The following SLC13A1 variants were observed in gnomAD, a reference collection of about 807,000 sequenced individuals.
SLC13A1 encodes the protein Na(+)/sulfate cotransporter.
SLC13A1 carries 65 observed loss-of-function variants against 70.0 expected under a neutral mutation model. The ratio of observed to expected loss-of-function variants is 0.93; its 90% CI spans 0.76 to 1.14. SLC13A1 has a LOEUF of 1.14. Ranked by LOEUF, SLC13A1 falls within the 50% of genes most tolerant of loss-of-function variation. The pLI is 0.00. For missense variants in SLC13A1, 726 were observed against 717.8 expected (o/e 1.01, Z -0.13); for synonymous variants, 275 against 250.5 (o/e 1.10, Z -0.92).
chr7:123,120,482 C>T (rs1339055135), intron 12 of SLC13A1, among the ~76,000 whole-genome samples: 1 of 152,004 alleles, frequency 6.6e-6, no homozygotes, highest in Non-Finnish European at 1.5e-5. Context: ...TGCAGAAAAA[C>T]TGGCTATACT....
chr7:123,183,242 T>G (rs1022547898), intron 1 of SLC13A1, among the ~76,000 whole-genome samples: 1 of 152,164 alleles, frequency 6.6e-6, no homozygotes, highest in Non-Finnish European at 1.5e-5. Flanking sequence ...ATTCACAGTG[T>G]TATAAGTCTA....
chr7:123,168,273 G>A, intron 6 of SLC13A1, 101 bp downstream of exon 6: 1 of 732,828 alleles, frequency 1.4e-6, no homozygotes, highest in Non-Finnish European at 2.3e-6. Context: ...ATAATTTATA[G>A]AAAAGGAAGC....
intron 6 of SLC13A1, among the ~76,000 whole-genome samples, chr7:123,150,759 T>C (rs897459170): frequency 6.6e-6 from 1 of 152,190 alleles, no homozygotes; most frequent in East Asian, 1.9e-4. Context: ...GAAAAAACTC[T>C]GCTTTGGGTT....
Position 123,115,527 on chromosome 7 carries a change from G to A in SLC13A1, c.1779C>T (p.Thr593=), listed in dbSNP as rs775237180. 1.2e-6 allele frequency: 2 copies of A among 1,610,484 alleles called. No homozygotes were observed. Among genetic ancestry groups the A allele is most frequent in the African/African-American group, 2.7e-5 (2 of 74,818 alleles). Residue 593 remains threonine, a synonymous_variant, in exon 15 of 15, where the codon ACC becomes ACT. Coordinates refer to ENST00000194130, the MANE Select transcript of SLC13A1 (RefSeq NM_022444.4). The part of the protein sequence containing the change: ...PSWAPAMSNE[T]MP ...AGAAATTTTGTGCTTATTATGGCAT[G>A]GTCTCATTACTCATAGCAGGAGCCC...
At chr7:123,125,892 A>G (rs1168810023) in intron 10 of SLC13A1, among the ~76,000 whole-genome samples, 1 of 152,192 alleles carries the variant, frequency 6.6e-6, no homozygotes, top group Non-Finnish European at 1.5e-5. Flanking sequence ...TATTGTTCCC[A>G]TATATCTCTT....
chr7:123,166,204 A>G (rs1166762845), intron 6 of SLC13A1, among the ~76,000 whole-genome samples: 4 of 152,032 alleles, frequency 2.6e-5, no homozygotes, highest in Non-Finnish European at 5.9e-5. Flanking sequence ...TCTTTTCATC[A>G]AAAGACCTGC....
chr7:123,140,998 G>T (rs191097632), intron 7 of SLC13A1, among the ~76,000 whole-genome samples: 1 of 151,634 alleles, frequency 6.6e-6, no homozygotes, highest in Non-Finnish European at 1.5e-5. Flanking sequence ...AAGATGCATC[G>T]TTAGGTTATT....
At chr7:123,180,621 TG>T (rs1373406975) in intron 2 of SLC13A1, among the ~76,000 whole-genome samples, 2 of 152,096 alleles carry the variant, frequency 1.3e-5, no homozygotes, top group Non-Finnish European at 2.9e-5. Flanking sequence ...AAAACAAAAT[TG>T]TTTTTCCAAC....
rs372715725 is a variant in SLC13A1, at chr7:123,128,801, G to A, written c.1133+44C>T. ...AGGAACCACACAGGAGAGAAGCAGA[G>A]TATAAAACAGGAAGGGCTGACAAAC... On this transcript the variant is annotated intron_variant, in intron 10 of 14. Coordinates refer to ENST00000194130, the MANE Select transcript of SLC13A1 (RefSeq NM_022444.4). 2.9e-5 allele frequency: 36 copies of A among 1,246,116 alleles called. No homozygotes were observed. In the African/African-American group the frequency reaches 4.6e-4, roughly 16 times the overall value. 77.2% of individuals were successfully genotyped at this position (1,246,116 alleles called of 1,614,324 possible). A position where few individuals can be genotyped will look rare whatever the true frequency, so the allele number is the denominator to read the frequency against.
intron 6 of SLC13A1, among the ~76,000 whole-genome samples, chr7:123,164,472 G>C (rs949820530): frequency 2.0e-5 from 3 of 151,360 alleles, no homozygotes; most frequent in Admixed American, 6.6e-5. Flanking sequence ...CTAAATAAAT[G>C]GTGCTTCAAA....
intron 1 of SLC13A1, among the ~76,000 whole-genome samples, chr7:123,182,666 T>C (rs1355753904): frequency 6.6e-6 from 1 of 152,110 alleles, no homozygotes; most frequent in African/African-American, 2.4e-5. Flanking sequence ...GCTGGTTCTG[T>C]TCACCATATA....
chr7:123,154,281 A>G, intron 6 of SLC13A1, among the ~76,000 whole-genome samples: 1 of 152,124 alleles, frequency 6.6e-6, no homozygotes, highest in East Asian at 1.9e-4. Context: ...GTTTTTATTC[A>G]ATCCCTTCTG....
chr7:123,168,689 AAC>A (rs1013942752), intron 4 of SLC13A1, 128 bp from the exon 5 acceptor site: 2 of 646,128 alleles, frequency 3.1e-6, no homozygotes, highest in Non-Finnish European at 5.3e-6. Flanking sequence ...GTACTAACAT[AAC>A]AGTCATCTTA....
chr7:123,118,991 G>A (rs914821497), intron 13 of SLC13A1, 90 bp downstream of exon 13: 1 of 1,216,952 alleles, frequency 8.2e-7, no homozygotes, highest in Admixed American at 2.3e-5. Flanking sequence ...TAGACCAAAA[G>A]AGATTCCATA....
At chr7:123,131,960 TAA>T (rs1415285433) in intron 8 of SLC13A1, among the ~76,000 whole-genome samples, 3 of 152,200 alleles carry the variant, frequency 2.0e-5, no homozygotes, top group Non-Finnish European at 4.4e-5. Flanking sequence ...ATATGTTTGA[TAA>T]AGTCATTAAA....
intron 1 of SLC13A1, among the ~76,000 whole-genome samples, chr7:123,182,791 A>C (rs1795681247): frequency 2.0e-5 from 3 of 152,074 alleles, no homozygotes; most frequent in Non-Finnish European, 4.4e-5. Flanking sequence ...AATTTCAATA[A>C]TCACATTATT....
chr7:123,152,147 G>T (rs568083685), intron 6 of SLC13A1, among the ~76,000 whole-genome samples: 66 of 152,230 alleles, frequency 4.3e-4, no homozygotes, highest in African/African-American at 1.3e-3. Flanking sequence ...AGGCTGCTGT[G>T]TATAGGAGAG....
intron 12 of SLC13A1, 40 bp downstream of exon 12, chr7:123,123,086 G>GA: frequency 7.3e-7 from 1 of 1,375,016 alleles, no homozygotes; most frequent in Non-Finnish European, 1.0e-6. Flanking sequence ...CTTTTGAACA[G>GA]TCTGGTTAAT....
At chr7:123,174,427 A>C (rs1008449690) in intron 2 of SLC13A1, among the ~76,000 whole-genome samples, 2 of 152,180 alleles carry the variant, frequency 1.3e-5, no homozygotes, top group African/African-American at 2.4e-5. Flanking sequence ...TGCCCAAGAC[A>C]GAGACCTAAA....
Sources: allele counts gnomAD v4.1 joint callset (sites outside exome capture counted in the v4.1 genomes callset), GRCh38; gene constraint gnomAD v4.1.1; transcripts MANE v1.5; gene names NCBI Gene and HGNC (gene_info 2026-07-23, HGNC 2026-07-21).